The following RORA variants were observed in gnomAD, a reference collection of about 807,000 sequenced individuals.
The protein encoded by RORA is RAR related orphan receptor A, also known as nuclear receptor ROR-alpha.
In RORA, 7 loss-of-function variants were observed where a neutral mutation model predicts 69.5. That is an observed-to-expected ratio of 0.10 (90% CI 0.06 to 0.19). RORA has a LOEUF of 0.19. RORA is among the 10% of genes least tolerant of loss of function. RORA has a pLI of 1.00. For missense variants in RORA, 457 were observed against 663.0 expected (o/e 0.69, Z 3.41); for synonymous variants, 261 against 240.8 (o/e 1.08, Z -0.78).
At chr15:61,097,643 G>T (rs2078810765) in intron 1 of RORA, among the ~76,000 whole-genome samples, 2 of 152,150 alleles carry the variant, frequency 1.3e-5, no homozygotes, top group Non-Finnish European at 2.9e-5. Context: ...CTCAAGTACA[G>T]TACAAAGGAG....
intron 4 of RORA, 139 bp downstream of exon 4, chr15:60,514,477 A>G: frequency 1.3e-6 from 1 of 771,286 alleles, no homozygotes; most frequent in Non-Finnish European, 2.1e-6. Context: ...TAGCTGCCAG[A>G]GGAGCATGGG....
intron 1 of RORA, among the ~76,000 whole-genome samples, chr15:61,112,823 C>T (rs1018801293): frequency 1.3e-5 from 2 of 152,132 alleles, no homozygotes; most frequent in South Asian, 2.1e-4. Context: ...CACAGGCAGA[C>T]GGGAGTCAGA....
intron 1 of RORA, among the ~76,000 whole-genome samples, chr15:61,058,540 G>A (rs1294250629): frequency 2.0e-5 from 3 of 152,088 alleles, no homozygotes; most frequent in Non-Finnish European, 2.9e-5. Context: ...AAGCAAAAGG[G>A]GTAATCTGAA....
At chr15:60,588,448 TCATCCATCCATC>T (rs55840229) in intron 2 of RORA, among the ~76,000 whole-genome samples, 9 of 150,534 alleles carry the variant, frequency 6.0e-5, no homozygotes, top group African/African-American at 1.2e-4. Context: ...GCAAATCTAT[TCATCCATCCATC>T]CATCCATCCA....
At position 60,793,150 on chromosome 15, in the gene RORA, G is replaced by T. The variant is rs189647911; in HGVS notation, c.167-114464C>A. 4.7e-3 allele frequency among the ~76,000 whole-genome samples: 722 copies of T among 152,270 alleles called. 7 individuals carry two copies. Among genetic ancestry groups the T allele is most frequent in the South Asian group, 0.011 (55 of 4,820 alleles). ...TCTTCATTTATAACAAGAAAAAGTG[G>T]AGTAAATGATCTCAAAAGTTCCTTT... On this transcript the variant is annotated intron_variant, in intron 1 of 10. Coordinates refer to ENST00000335670, the MANE Select transcript of RORA (RefSeq NM_134261.3).
In RORA at chr15:60,825,388, A is replaced by C. The variant is rs572240097; in HGVS notation, c.167-146702T>G. On this transcript the variant is annotated intron_variant, in intron 1 of 10. Transcript: ENST00000335670. ...TAGTGATTCTGTGGAAGTCACTGTG[A>C]CATTAATAACTATATTCACTATTCA... 3.3e-5 allele frequency among the ~76,000 whole-genome samples: 5 copies of C among 152,366 alleles called. No homozygotes were observed. In the East Asian group the frequency reaches 9.6e-4, roughly 29 times the overall value.
rs1180356722 is a variant in RORA at position 60,661,464 on chromosome 15, A to G, written c.196+17193T>C. 2.0e-5 allele frequency among the ~76,000 whole-genome samples: 3 copies of G among 152,306 alleles called. No individual in the cohort carries two copies. The East Asian group carries it at 5.8e-4, about 29-fold the overall frequency. ...ACTGATCAAGCTGCCATTGATGTCTATGGGCAGTTTCAGAATTCCTTTCAC... is the reference window on the plus strand; with the variant it reads ...ACTGATCAAGCTGCCATTGATGTCTGTGGGCAGTTTCAGAATTCCTTTCAC... On this transcript the variant is annotated intron_variant, in intron 2 of 10. Coordinates refer to ENST00000335670, the MANE Select transcript of RORA (RefSeq NM_134261.3).
intron 1 of RORA, among the ~76,000 whole-genome samples, chr15:60,854,823 G>T (rs1410758777): frequency 2.0e-5 from 3 of 152,194 alleles, no homozygotes; most frequent in African/African-American, 4.8e-5. Context: ...CATCGAGGAC[G>T]AGGCATGAAT....
At position 60,490,090 on chromosome 15, in the gene RORA, T is replaced by C. The variant is rs2065017202; in HGVS notation, c.*7365A>G. Reference sequence around the variant, plus strand: ...TAGAATAATTTATATAATGATATTATGTATTTAAAGAGAAAAGCATGTCCC... The same window carrying C: ...TAGAATAATTTATATAATGATATTACGTATTTAAAGAGAAAAGCATGTCCC... On this transcript the variant is annotated 3_prime_UTR_variant, in exon 11 of 11. Coordinates refer to ENST00000335670, the MANE Select transcript of RORA (RefSeq NM_134261.3). This position sits in a 1 kb window ranked among gnomAD's most constrained non-coding sequence, Gnocchi z 4.1. 2 of 151,808 alleles carry C rather than the reference T, an allele frequency of 1.3e-5. No individual in the cohort carries two copies. Among genetic ancestry groups the C allele is most frequent in the Non-Finnish European group, 1.5e-5 (1 of 67,934 alleles). 9.4% of individuals were successfully genotyped at this position (151,808 alleles called of 1,614,324 possible).
intron 1 of RORA, among the ~76,000 whole-genome samples, chr15:60,914,620 G>GT (rs974875466): frequency 7.9e-5 from 12 of 151,938 alleles, no homozygotes; most frequent in South Asian, 2.1e-4. Context: ...TCTTTCCCAT[G>GT]TTTTTTTTCT....
At chr15:60,786,451 T>C (rs1161763063) in intron 1 of RORA, among the ~76,000 whole-genome samples, 1 of 152,218 alleles carries the variant, frequency 6.6e-6, no homozygotes, top group African/African-American at 2.4e-5. Flanking sequence ...AGCTACTCTC[T>C]TTGTGAGATG....
rs139791805 is a variant in RORA, at chr15:60,945,166, C to T, written c.167-266480G>A. Among the ~76,000 whole-genome samples, 145 of 152,252 alleles carry T rather than the reference C, an allele frequency of 9.5e-4. 1 individual carries two copies. In the East Asian group the frequency reaches 0.025, roughly 27 times the overall value. ...TAGATAACCTATAAAATATAATTTC[C>T]CTCCCCACCCTCTCTCTGAAAATCC... On this transcript the variant is annotated intron_variant, in intron 1 of 10. Coordinates refer to ENST00000335670, the MANE Select transcript of RORA (RefSeq NM_134261.3).
At position 60,523,491 on chromosome 15, in the gene RORA, T is replaced by C. The variant is rs543211214; in HGVS notation, c.282+8275A>G. On this transcript the variant is annotated intron_variant, in intron 3 of 10. Transcript: ENST00000335670. ...GATACCAAAGTTATCTACATACAGA[T>C]AGACACTTTTTGCTTTCCAGAGAGC... Among the ~76,000 whole-genome samples the C allele has an allele frequency of 6.6e-5, 10 of 152,338 alleles. No individual in the cohort carries two copies. The East Asian group carries it at 1.7e-3, about 26-fold the overall frequency.
chr15:61,048,201 T>C (rs1221033126), intron 1 of RORA, among the ~76,000 whole-genome samples: 1 of 152,226 alleles, frequency 6.6e-6, no homozygotes, highest in Non-Finnish European at 1.5e-5. Context: ...AGTAAGATTA[T>C]GCTGGTGTTA....
intron 1 of RORA, among the ~76,000 whole-genome samples, chr15:61,114,740 G>C (rs918979377): frequency 6.6e-6 from 1 of 152,128 alleles, no homozygotes; most frequent in Non-Finnish European, 1.5e-5. Flanking sequence ...CCTATACTTT[G>C]TTCTTGTCAT....
chr15:60,639,043 C>G (rs12592002), intron 2 of RORA, among the ~76,000 whole-genome samples: 95,092 of 151,904 alleles, frequency 0.63, 30,367 homozygotes, highest in East Asian at 0.8. Flanking sequence ...ACAGCGAAAC[C>G]GTGCCTCCTT....
At position 60,897,533 on chromosome 15, in the gene RORA, G is replaced by C. The variant is rs866163521; in HGVS notation, c.167-218847C>G. Reference sequence around the variant, plus strand: ...CCAGGACTCCCTATTCTGGGGGTGAGGATAAAAGTTTCCATGTCTGATTTA... The same window carrying C: ...CCAGGACTCCCTATTCTGGGGGTGACGATAAAAGTTTCCATGTCTGATTTA... On this transcript the variant is annotated intron_variant, in intron 1 of 10. Coordinates refer to ENST00000335670, the MANE Select transcript of RORA (RefSeq NM_134261.3). Among the ~76,000 whole-genome samples, 4 of 152,296 alleles carry C rather than the reference G, an allele frequency of 2.6e-5. No homozygotes were observed. The Middle Eastern group carries it at 0.014, about 518-fold the overall frequency.
chr15:60,627,233 C>T lies in RORA; in HGVS notation c.196+51424G>A, dbSNP rs73424068. On this transcript the variant is annotated intron_variant, in intron 2 of 10. Coordinates refer to ENST00000335670, the MANE Select transcript of RORA (RefSeq NM_134261.3). The stretch of plus-strand genomic sequence containing the variant: ...AGCAAAGAACTTGCTCTCAGTGGCT[C>T]TTACCTTCTGGCTCCTTCACCTGCA... 3.6e-3 allele frequency: 5,859 copies of T among 1,614,112 alleles called. 112 individuals carry two copies. In the African/African-American group the frequency reaches 0.046, roughly 13 times the overall value.
chr15:60,886,453 T>A (rs911760163), intron 1 of RORA, among the ~76,000 whole-genome samples: 1 of 152,142 alleles, frequency 6.6e-6, no homozygotes, highest in Non-Finnish European at 1.5e-5. Flanking sequence ...TGCAGAAATA[T>A]CCCACATGAA....
Sources: gnomAD v4.1 joint callset for allele counts (sites outside exome capture counted in the v4.1 genomes callset) on GRCh38, gnomAD v4.1.1 for gene constraint, Gnocchi (gnomAD v3.1) non-coding constraint, MANE v1.5 for transcripts, NCBI Gene and HGNC (gene_info 2026-07-23, HGNC 2026-07-21) for gene names.